NCAN: variants seen among roughly 807,000 people sequenced by gnomAD.
NCAN encodes neurocan, also known as neurocan core protein.
A neutral mutation model predicts 121.8 loss-of-function variants in NCAN; 47 were observed. That is an observed-to-expected ratio of 0.39 (90% CI 0.31 to 0.49). The LOEUF (loss-of-function observed/expected upper bound fraction) is 0.49, where lower values mean the gene tolerates loss of function less well. NCAN is among the 20% of genes least tolerant of loss of function. The pLI, the probability that NCAN is intolerant of heterozygous loss-of-function variation, is 0.92. For synonymous variants in NCAN, 633 were observed against 702.0 expected, an observed-to-expected ratio of 0.90 and a Z score of 1.55; for missense variants, 1,517 against 1,773.4, an observed-to-expected ratio of 0.86 and a Z score of 2.60.
intron 12 of NCAN, among the ~76,000 whole-genome samples, chr19:19,240,999 G>C (rs2060901461): frequency 6.6e-6 from 1 of 152,184 alleles, no homozygotes; most frequent in Non-Finnish European, 1.5e-5. Context: ...TCTAGCCTGG[G>C]CATGATGGCT....
Position 19,228,608 on chromosome 19 carries a change from A to C in NCAN, c.2988A>C (p.Pro996=). 6 of 1,612,266 alleles carry C rather than the reference A, an allele frequency of 3.7e-6. No homozygotes were observed. Among genetic ancestry groups the C allele is most frequent in the Non-Finnish European group, 5.1e-6 (6 of 1,179,516 alleles). ...CAAGTGGAGAGGAGCCAGCCCTGCC[A>C]GGGACCCCTATGAATGCAGGTGCGG... ...EVASGEEPAL[P]GTPMNAGAEE... The change falls in exon 8 of 15, where the codon CCA becomes CCC. Residue 996 remains proline (P), a synonymous_variant. Transcript: ENST00000252575.
intron 3 of NCAN, among the ~76,000 whole-genome samples, chr19:19,220,219 C>T (rs2060811351): frequency 6.6e-6 from 1 of 151,854 alleles, no homozygotes; most frequent in African/African-American, 2.4e-5. Flanking sequence ...GCTATCTAAG[C>T]TCACTGCATC....
At chr19:19,239,114 C>T (rs993636174) in intron 11 of NCAN, among the ~76,000 whole-genome samples, 6 of 152,094 alleles carry the variant, frequency 3.9e-5, no homozygotes, top group East Asian at 1.9e-4. Context: ...GCCCGTCCAG[C>T]GCCCACTGGC....
chr19:19,240,260 C>T (rs1428804717), intron 11 of NCAN, among the ~76,000 whole-genome samples: 2 of 151,234 alleles, frequency 1.3e-5, no homozygotes, highest in Non-Finnish European at 2.9e-5. Flanking sequence ...ACTCCCTCAC[C>T]TCTGTAAACT....
chr19:19,224,377 G>C lies in NCAN; in HGVS notation c.722G>C (p.Gly241Ala). The change falls in exon 5 of 15, where the codon GGG becomes GCG. Residue 241 changes from glycine (G) to alanine (A), a missense_variant. Physicochemically the swap from Gly to Ala is moderately conservative, Grantham distance 60. Coordinates refer to ENST00000252575, the MANE Select transcript of NCAN (RefSeq NM_004386.3). Reference protein sequence around the residue: ...RSSLPGVRSYGRRNPQELYDV... With the variant: ...RSSLPGVRSYARRNPQELYDV... ...AGCCTTCCAGGGGTTCGGAGCTATG[G>C]GAGGCGCAACCCACAGGAACTCTAC... 1 of 1,614,060 alleles carries C rather than the reference G, an allele frequency of 6.2e-7. No homozygotes were observed. The highest frequency in any genetic ancestry group is 8.5e-7 in the Non-Finnish European group (1 of 1,179,990).
chr19:19,212,010 G>A lies in NCAN; in HGVS notation c.-62G>A. The A allele has an allele frequency of 9.3e-6, 2 of 215,662 alleles. No individual in the cohort carries two copies. Among genetic ancestry groups the A allele is most frequent in the East Asian group, 1.8e-4 (1 of 5,454 alleles). 13.4% of individuals were successfully genotyped at this position (215,662 alleles called of 1,614,324 possible). ...GGCGCGGAGCTGGCTGAGTCGGAGC[G>A]CAGCGTCCTTTGTGCCCGGCGGCCG... On this transcript the variant is annotated 5_prime_UTR_variant, in exon 1 of 15. Transcript: ENST00000252575. This position sits in a 1 kb window ranked among gnomAD's most constrained non-coding sequence, Gnocchi z 4.5.
chr19:19,226,118 C>T (rs188861231), intron 6 of NCAN, among the ~76,000 whole-genome samples: 17 of 152,066 alleles, frequency 1.1e-4, no homozygotes, highest in Admixed American at 7.9e-4. Flanking sequence ...TTAGTAGAGA[C>T]GGGGTTTCAC....
At position 19,251,203 on chromosome 19, in the gene NCAN, T is replaced by G. The variant is rs1437282929; in HGVS notation, c.*1292T>G. 6.6e-6 allele frequency: 1 copy of G among 152,116 alleles called. No homozygotes were observed. Among genetic ancestry groups the G allele is most frequent in the Admixed American group, 6.6e-5 (1 of 15,266 alleles). 9.4% of individuals were successfully genotyped at this position (152,116 alleles called of 1,614,324 possible). On this transcript the variant is annotated 3_prime_UTR_variant, in exon 15 of 15. Coordinates refer to ENST00000252575, the MANE Select transcript of NCAN (RefSeq NM_004386.3). ...GTGGATCAGGGTTAAAAAAGCACCG[T>G]GGAGAATGGCCCTCTTCAGGAAAGA...
chr19:19,244,326 T>TTTTTTTTG (rs2060916001), intron 12 of NCAN, among the ~76,000 whole-genome samples: 1 of 150,736 alleles, frequency 6.6e-6, no homozygotes, highest in African/African-American at 2.4e-5. Flanking sequence ...TTTTTTTTTT[T>TTTTTTTTG]GAGATAGAAT....
intron 2 of NCAN, among the ~76,000 whole-genome samples, chr19:19,217,469 A>G (rs1568593464): frequency 1.3e-5 from 2 of 152,238 alleles, no homozygotes; most frequent in African/African-American, 2.4e-5. Flanking sequence ...CTCCCCCCAA[A>G]GAGAATGAGA....
chr19:19,235,482 G>T (rs1445265889), intron 10 of NCAN, among the ~76,000 whole-genome samples: 11 of 151,002 alleles, frequency 7.3e-5, no homozygotes. Context: ...ATGTTGGCCG[G>T]GCTGGTCTTG....
Position 19,228,636 on chromosome 19 carries a change from G to A in NCAN, c.3016G>A (p.Glu1006Lys). Residue 1006 changes from glutamate to lysine, a missense_variant, in exon 8 of 15, where the codon GAG becomes AAG. Transcript: ENST00000252575. ...PGTPMNAGAE[E>K]VHSDPCENNP... ...GACCCCTATGAATGCAGGTGCGGAG[G>A]AGGGTGAGTACAAAGTCCCGGGGCT... 6.2e-7 allele frequency: 1 copy of A among 1,607,774 alleles called. No individual in the cohort carries two copies. Among genetic ancestry groups the A allele is most frequent in the African/African-American group, 1.3e-5 (1 of 74,960 alleles).
rs916377393 is a variant in NCAN, at chr19:19,227,218, C to T, written c.1661-63C>T. On this transcript the variant is annotated intron_variant, in intron 7 of 14. Transcript: ENST00000252575. This position sits in a 1 kb window ranked among gnomAD's most constrained non-coding sequence, Gnocchi z 4.2. ...CCCAGAAGCCCCCTCTCCCTTGGGC[C>T]TGGAGTCCAACCAAAGGGGCTGCTG... 9 of 1,506,262 alleles carry T rather than the reference C, an allele frequency of 6.0e-6. No individual in the cohort carries two copies. The highest frequency in any genetic ancestry group is 8.0e-6 in the Non-Finnish European group (9 of 1,129,980). 93.3% of individuals were successfully genotyped at this position (1,506,262 alleles called of 1,614,324 possible).
chr19:19,248,436 C>A (rs184131631), intron 13 of NCAN, among the ~76,000 whole-genome samples: 312 of 152,048 alleles, frequency 2.1e-3, no homozygotes, highest in Middle Eastern at 0.014. Flanking sequence ...CAGAGTGAGA[C>A]CCTGTCTCAA....
chr19:19,249,699 G>A, intron 14 of NCAN, 67 bp from the exon 15 acceptor site: 6 of 1,535,198 alleles, frequency 3.9e-6, no homozygotes, highest in Non-Finnish European at 5.2e-6. Context: ...AAGGACACCC[G>A]CTGCATCAGG....
rs1162133076 is a variant in NCAN, at chr19:19,226,607, G to C, written c.1194G>C (p.Glu398Asp). ...RELEPTLEEE[E>D]VVTPDFQEPL... The stretch of plus-strand genomic sequence containing the variant: ...TGGAGCCCACCCTGGAGGAGGAAGA[G>C]GTGGTCACCCCTGACTTCCAGGAGC... Residue 398 changes from glutamate to aspartate, a missense_variant, in exon 7 of 15, where the codon GAG becomes GAC. Physicochemically the swap from Glu to Asp is conservative, Grantham distance 45. Transcript: ENST00000252575. The C allele has an allele frequency of 6.2e-7, 1 of 1,613,902 alleles. No individual in the cohort carries two copies. Among genetic ancestry groups the C allele is most frequent in the African/African-American group, 1.3e-5 (1 of 75,042 alleles).
chr19:19,219,573 T>C (rs1322246071), intron 3 of NCAN, among the ~76,000 whole-genome samples: 1 of 141,518 alleles, frequency 7.1e-6, no homozygotes, highest in Non-Finnish European at 1.5e-5. Context: ...CACATGCCTG[T>C]AGTCCAGCTA....
chr19:19,219,677 A>AAAAAAAG (rs1555783473), intron 3 of NCAN, among the ~76,000 whole-genome samples: 6 of 148,918 alleles, frequency 4.0e-5, no homozygotes, highest in Non-Finnish European at 7.4e-5. Context: ...TGTCACAAAA[A>AAAAAAAG]AAAAAAAAAA....
chr19:19,248,489 C>T (rs988500720), intron 13 of NCAN, among the ~76,000 whole-genome samples: 3 of 151,316 alleles, frequency 2.0e-5, no homozygotes, highest in Non-Finnish European at 4.4e-5. Flanking sequence ...GTGTAGATTA[C>T]AGGCAGGTGC....
Sources: allele counts gnomAD v4.1 joint callset (sites outside exome capture counted in the v4.1 genomes callset), GRCh38; gene constraint gnomAD v4.1.1; non-coding constraint Gnocchi (gnomAD v3.1); transcripts MANE v1.5; gene names NCBI Gene and HGNC (gene_info 2026-07-23, HGNC 2026-07-21).